AHNAK: variants seen among roughly 807,000 people sequenced by gnomAD.
AHNAK encodes the protein AHNAK nucleoprotein.
Under a neutral mutation model 37.8 loss-of-function variants are expected in AHNAK, and 23 were observed. The ratio of observed to expected loss-of-function variants is 0.61; its 90% CI spans 0.44 to 0.86. The LOEUF (loss-of-function observed/expected upper bound fraction) is 0.86, where lower values mean the gene tolerates loss of function less well. Ranked by LOEUF, AHNAK falls within the 40% of genes least tolerant of loss-of-function variation. The pLI is 0.00. For missense variants in AHNAK, 7,411 were observed against 7,319.4 expected (o/e 1.01, Z -0.46); for synonymous variants, 2,481 against 2,636.3 (o/e 0.94, Z 1.80).
Position 62,519,868 on chromosome 11 carries a change from G to A in AHNAK, c.14549C>T (p.Ser4850Phe). The change falls in exon 5 of 5, where the codon TCC becomes TTC. Residue 4850 changes from serine to phenylalanine, a missense_variant. Ser to Phe is a radical substitution (Grantham distance 155, BLOSUM62 -2). Coordinates refer to ENST00000378024, the MANE Select transcript of AHNAK (RefSeq NM_001620.3). ...CAAATCCAGGTCAACATCAGGTATG[G>A]AGATCTTGGGAGCTTTGATATTTAT... Reference protein sequence around the residue: ...PEINIKAPKISIPDVDLDLKG... With the variant: ...PEINIKAPKIFIPDVDLDLKG... 2 of 1,614,140 alleles carry A rather than the reference G, an allele frequency of 1.2e-6. No homozygotes were observed. Among genetic ancestry groups the A allele is most frequent in the Non-Finnish European group, 1.7e-6 (2 of 1,180,008 alleles).
rs997936379 is a variant in AHNAK, at chr11:62,518,701, G to C, written c.15716C>G (p.Pro5239Arg). 2.5e-6 allele frequency: 4 copies of C among 1,614,008 alleles called. No homozygotes were observed. The highest frequency in any genetic ancestry group is 3.3e-4 in the Middle Eastern group (2 of 6,082). The part of the protein sequence containing the change: ...AKIKFPKFSM[P>R]KIGIPGVKME... ...TTTCACACCTGGGATGCCGATCTTG[G>C]GCATGGAAAACTTGGGGAACTTAAT... The change falls in exon 5 of 5, where the codon CCC (proline) becomes CGC (arginine). Residue 5239 changes from proline (P) to arginine (R), a missense_variant. Transcript: ENST00000378024.
rs2134227944 is a variant in AHNAK at position 62,528,299 on chromosome 11, G to A, written c.6118C>T (p.His2040Tyr). The change falls in exon 5 of 5, where the codon CAT becomes TAT. Residue 2040 changes from histidine to tyrosine, a missense_variant. Coordinates refer to ENST00000378024, the MANE Select transcript of AHNAK (RefSeq NM_001620.3). Reference sequence around the variant, plus strand: ...ATCTTCAGGTGCCAGTCTGGGCCATGAACATCCACATCTGGGGCATCAATG... The same window carrying A: ...ATCTTCAGGTGCCAGTCTGGGCCATAAACATCCACATCTGGGGCATCAATG... ...MDIDAPDVDVHGPDWHLKMPK... is the reference protein window; with the variant it reads ...MDIDAPDVDVYGPDWHLKMPK... The A allele has an allele frequency of 1.2e-6, 2 of 1,614,120 alleles. No homozygotes were observed. The highest frequency in any genetic ancestry group is 4.5e-5 in the East Asian group (2 of 44,868).
In AHNAK at chr11:62,518,114, C is replaced by T; in HGVS notation, c.16303G>A (p.Gly5435Arg). ...KGPQVSGELKGPGVDVNLKGP... is the reference protein window; with the variant it reads ...KGPQVSGELKRPGVDVNLKGP... ...TTCAGGTTCACATCCACACCTGGCC[C>T]CTTCAGTTCGCCAGAAACCTGTGGC... Residue 5435 changes from glycine to arginine, a missense_variant, in exon 5 of 5, where the codon GGG becomes AGG. Coordinates refer to ENST00000378024, the MANE Select transcript of AHNAK (RefSeq NM_001620.3). 2 of 1,614,216 alleles carry T rather than the reference C, an allele frequency of 1.2e-6. No homozygotes were observed. Among genetic ancestry groups the T allele is most frequent in the Non-Finnish European group, 1.7e-6 (2 of 1,180,042 alleles).
At position 62,525,431 on chromosome 11, in the gene AHNAK, C is replaced by T; in HGVS notation, c.8986G>A (p.Glu2996Lys). Residue 2996 changes from glutamate to lysine, a missense_variant, in exon 5 of 5, where the codon GAA becomes AAA. Transcript: ENST00000378024. ...PKVEGDLKGP[E>K]VDIRGPQVDI... is the part of the protein sequence containing the mutation. ...ACTTGGGGACCCCTGATGTCAACTTCAGGGCCCTTGAGGTCACCTTCCACT... is the reference window on the plus strand; with the variant it reads ...ACTTGGGGACCCCTGATGTCAACTTTAGGGCCCTTGAGGTCACCTTCCACT... The T allele has an allele frequency of 6.2e-7, 1 of 1,613,808 alleles. No individual in the cohort carries two copies. The highest frequency in any genetic ancestry group is 2.2e-5 in the East Asian group (1 of 44,846).
chr11:62,528,095 G>C lies in AHNAK; in HGVS notation c.6322C>G (p.Pro2108Ala). 6.2e-7 allele frequency: 1 copy of C among 1,612,652 alleles called. No homozygotes were observed. The highest frequency in any genetic ancestry group is 8.5e-7 in the Non-Finnish European group (1 of 1,179,626). Residue 2108 changes from proline to alanine, a missense_variant, in exon 5 of 5, where the codon CCT (proline) becomes GCT (alanine). Pro to Ala is a conservative substitution (Grantham distance 27, BLOSUM62 -1). Transcript: ENST00000378024. ...TTGGGGGCCTTGAAGTGCATCTCAG[G>C]CATCTTAAGCTTGGGGCCCTTCAGC... ...GKLKGPKLKM[P>A]EMHFKAPKIS...
At chr11:62,463,921 G>A (rs1464880141) in intron 5 of AHNAK, among the ~76,000 whole-genome samples, 4 of 138,590 alleles carry the variant, frequency 2.9e-5, no homozygotes, top group Non-Finnish European at 5.0e-5. Flanking sequence ...CCGCCACCAC[G>A]CCCGGCTAAT....
At chr11:62,465,652 TA>T (rs1292295523) in intron 5 of AHNAK, among the ~76,000 whole-genome samples, 2 of 151,796 alleles carry the variant, frequency 1.3e-5, no homozygotes, top group African/African-American at 2.4e-5. Context: ...AAATTAAAAT[TA>T]AAAAAATTTT....
At position 62,475,913 on chromosome 11, in the gene AHNAK, C is replaced by T. The variant is rs564455925; in HGVS notation, c.442+15819G>A. Among the ~76,000 whole-genome samples, 3 of 152,290 alleles carry T rather than the reference C, an allele frequency of 2.0e-5. No homozygotes were observed. The South Asian group carries it at 6.2e-4, about 32-fold the overall frequency. ...AGCCACCGCCCCCGGCTATATATCA[C>T]TTGAAGGCGCATTTCTCGCCTTAAG... On this transcript the variant is annotated intron_variant, in intron 5 of 5. Transcript: ENST00000257247.
In AHNAK at chr11:62,523,755, G is replaced by A; in HGVS notation, c.10662C>T (p.Gly3554=). 1.9e-6 allele frequency: 3 copies of A among 1,612,162 alleles called. No individual in the cohort carries two copies. The highest frequency in any genetic ancestry group is 2.2e-5 in the East Asian group (1 of 44,692). Residue 3554 remains glycine, a synonymous_variant, in exon 5 of 5, where the codon GGC becomes GGT. Coordinates refer to ENST00000378024, the MANE Select transcript of AHNAK (RefSeq NM_001620.3). ...TATCCACATCACCTTTCACCTTGGGGCCTTTCAAGTTTAAGTCAATGTCAG... is the reference window on the plus strand; with the variant it reads ...TATCCACATCACCTTTCACCTTGGGACCTTTCAAGTTTAAGTCAATGTCAG... ...SMPDIDLNLK[G]PKVKGDVDIS...
Position 62,517,050 on chromosome 11 carries a change from GAAC to G in AHNAK, c.17364_17366del (p.Glu5788_Phe5789delinsAsp). On this transcript the variant is annotated inframe_deletion, in exon 5 of 5. Transcript: ENST00000378024. The stretch of plus-strand genomic sequence containing the variant: ...TCCCCGTCGGGGTGGAAGGTCCAGA[GAAC>G]TCTCTTTCATCACTGAATGAATTTG... 1 of 1,614,202 alleles carries G rather than the reference GAAC, an allele frequency of 6.2e-7. No individual in the cohort carries two copies.
intron 5 of AHNAK, among the ~76,000 whole-genome samples, chr11:62,480,803 TAA>T (rs1172126377): frequency 5.6e-4 from 25 of 44,478 alleles, no homozygotes; most frequent in Non-Finnish European, 5.0e-4. Context: ...TGCGTGCAGT[TAA>T]AAAAAAAAAA....
At chr11:62,493,011 C>CTTTTTTTTTTT (rs960994580) in intron 4 of AHNAK, among the ~76,000 whole-genome samples, 11 of 133,326 alleles carry the variant, frequency 8.3e-5, no homozygotes, top group Non-Finnish European at 1.5e-4. Flanking sequence ...CTTTTCTTTT[C>CTTTTTTTTTTT]TTTTTTTTTT....
At position 62,525,213 on chromosome 11, in the gene AHNAK, T is replaced by G; in HGVS notation, c.9204A>C (p.Glu3068Asp). The G allele has an allele frequency of 6.2e-7, 1 of 1,611,612 alleles. No homozygotes were observed. Among genetic ancestry groups the G allele is most frequent in the South Asian group, 1.1e-5 (1 of 90,972 alleles). ...GACCTTTCAACTTTCCCTCTGGGCC[T>G]TCGATATTCACATCTGGAACATCAA... is the stretch of plus-strand genomic sequence containing the variant. ...VDIDVPDVNI[E>D]GPEGKLKGPK... The change falls in exon 5 of 5, where the codon GAA becomes GAC. Residue 3068 changes from glutamate (E) to aspartate (D), a missense_variant. Glu to Asp is a conservative substitution (Grantham distance 45, BLOSUM62 2). Transcript: ENST00000378024.
intron 5 of AHNAK, among the ~76,000 whole-genome samples, chr11:62,466,333 T>C (rs1395790638): frequency 6.6e-6 from 1 of 152,088 alleles, no homozygotes; most frequent in Non-Finnish European, 1.5e-5. Flanking sequence ...AAAAAAATTT[T>C]TGTTTTTAAT....
In AHNAK at chr11:62,523,924, A is replaced by G. The variant is rs1349738386; in HGVS notation, c.10493T>C (p.Leu3498Pro). The G allele has an allele frequency of 1.2e-6, 2 of 1,614,082 alleles. No homozygotes were observed. The highest frequency in any genetic ancestry group is 1.7e-6 in the Non-Finnish European group (2 of 1,180,018). Residue 3498 changes from leucine to proline, a missense_variant, in exon 5 of 5, where the codon CTA becomes CCA. Coordinates refer to ENST00000378024, the MANE Select transcript of AHNAK (RefSeq NM_001620.3). ...KAEGPDVAVDLPKGDINIEGP... is the reference protein window; with the variant it reads ...KAEGPDVAVDPPKGDINIEGP... ...CTCTATGTTGATGTCTCCTTTTGGT[A>G]GATCCACAGCTACATCTGGCCCTTC...
In AHNAK at chr11:62,500,527, C is replaced by T. The variant is rs1444215072; in HGVS notation, c.343-8696G>A. Among the ~76,000 whole-genome samples the T allele has an allele frequency of 2.0e-5, 3 of 152,170 alleles. No individual in the cohort carries two copies. The South Asian group carries it at 6.2e-4, about 32-fold the overall frequency. On this transcript the variant is annotated intron_variant, in intron 4 of 5. Transcript: ENST00000257247. ...TGTTCCTCCCAAACCTACGTGCTGT[C>T]CCTCAGAGAGCCCGATGATGACACA...
chr11:62,443,491 C>G (rs995476500), intron 5 of AHNAK, among the ~76,000 whole-genome samples: 6 of 151,938 alleles, frequency 3.9e-5, no homozygotes, highest in African/African-American at 1.5e-4. Context: ...AGGCTGGTCT[C>G]GAACTCCCAA....
intron 3 of AHNAK, 113 bp from the exon 4 acceptor site, chr11:62,535,303 G>A: frequency 1.0e-6 from 1 of 965,986 alleles, no homozygotes; most frequent in Non-Finnish European, 1.5e-6. Context: ...ACCCTGCAAG[G>A]TGGGCATGGT....
Position 62,533,318 on chromosome 11 carries a change from C to T in AHNAK, c.1099G>A (p.Glu367Lys). The T allele has an allele frequency of 1.3e-6, 2 of 1,540,406 alleles. No individual in the cohort carries two copies. Among genetic ancestry groups the T allele is most frequent in the South Asian group, 1.3e-5 (1 of 77,256 alleles). ...ATTTGGGGGCCCTTCAGCTTCCCCT[C>T]AAGGCCCTCAATATTGGCAGAGGGC... ...SVPSANIEGL[E>K]GKLKGPQITG... Residue 367 changes from glutamate to lysine, a missense_variant, in exon 5 of 5, where the codon GAG becomes AAG. Coordinates refer to ENST00000378024, the MANE Select transcript of AHNAK (RefSeq NM_001620.3).
Sources: allele counts gnomAD v4.1 joint callset (sites outside exome capture counted in the v4.1 genomes callset), GRCh38; gene constraint gnomAD v4.1.1; transcripts MANE v1.5; gene names NCBI Gene and HGNC (gene_info 2026-07-23, HGNC 2026-07-21).